Variants in ATAD1 observed in about 807,000 individuals in gnomAD.
ATAD1 encodes outer mitochondrial transmembrane helix translocase.
A neutral mutation model predicts 42.7 loss-of-function variants in ATAD1; 18 were observed. The ratio of observed to expected loss-of-function variants is 0.42; its 90% CI spans 0.29 to 0.63. The LOEUF is 0.63. ATAD1 is among the 20% of genes least tolerant of loss of function. The probability of loss-of-function intolerance (pLI) is 0.19; values close to 1 mark genes in which losing one functional copy is unlikely to be tolerated. For missense variants in ATAD1, 294 were observed against 440.4 expected, an observed-to-expected ratio of 0.67 and a Z score of 2.98; for synonymous variants, 132 against 143.1, an observed-to-expected ratio of 0.92 and a Z score of 0.55.
At chr10:87,802,066 C>A (rs1856722004) in intron 2 of ATAD1, among the ~76,000 whole-genome samples, 1 of 152,142 alleles carries the variant, frequency 6.6e-6, no homozygotes. Flanking sequence ...TTCTCTCTAC[C>A]TGATTTCTCT....
intron 2 of ATAD1, among the ~76,000 whole-genome samples, chr10:87,793,126 A>G (rs1039331846): frequency 6.6e-6 from 1 of 152,190 alleles, no homozygotes; most frequent in Non-Finnish European, 1.5e-5. Context: ...AAGAGGAAAG[A>G]CAGAGGAGTT....
At chr10:87,788,940 G>A (rs1254793375) in intron 4 of ATAD1, among the ~76,000 whole-genome samples, 1 of 152,098 alleles carries the variant, frequency 6.6e-6, no homozygotes, top group African/African-American at 2.4e-5. Flanking sequence ...TATAAGCAGT[G>A]TTGTTATTTC....
intron 8 of ATAD1, among the ~76,000 whole-genome samples, chr10:87,761,150 A>G (rs34878240): frequency 6.6e-6 from 1 of 151,890 alleles, no homozygotes; most frequent in Admixed American, 6.6e-5. Flanking sequence ...CCAAATAAAT[A>G]TATGTGCTAC....
chr10:87,807,179 G>C (rs1856964258), intron 2 of ATAD1, among the ~76,000 whole-genome samples: 1 of 152,096 alleles, frequency 6.6e-6, no homozygotes, highest in Non-Finnish European at 1.5e-5. Flanking sequence ...AGAAGGAAAA[G>C]TGTTTTTCCT....
intron 1 of ATAD1, among the ~76,000 whole-genome samples, chr10:87,831,323 C>T (rs564156476): frequency 4.6e-5 from 7 of 152,060 alleles, no homozygotes; most frequent in South Asian, 2.1e-4. Flanking sequence ...TTCAGTGTTA[C>T]GTCTTCCCTT....
At chr10:87,817,693 GTTA>G (rs1393563170) in intron 1 of ATAD1, 2 of 978,592 alleles carry the variant, frequency 2.0e-6, no homozygotes, top group Non-Finnish European at 2.4e-6. Context: ...AAGAGGGCAG[GTTA>G]TTATTAACAT....
chr10:87,794,507 T>A (rs1457274114), intron 2 of ATAD1, among the ~76,000 whole-genome samples: 1 of 152,228 alleles, frequency 6.6e-6, no homozygotes, highest in Non-Finnish European at 1.5e-5. Context: ...AGACAGTGGT[T>A]TTCCCAGGGG....
intron 2 of ATAD1, among the ~76,000 whole-genome samples, chr10:87,794,057 C>T (rs1856259911): frequency 1.3e-5 from 2 of 152,004 alleles, no homozygotes; most frequent in African/African-American, 4.8e-5. Context: ...GCCATCTCTA[C>T]AAAAAATCAA....
chr10:87,755,614 A>G (rs564234136), intron 9 of ATAD1, among the ~76,000 whole-genome samples: 6 of 152,256 alleles, frequency 3.9e-5, no homozygotes, highest in African/African-American at 1.4e-4. Flanking sequence ...CTTATATATA[A>G]GAATAAAAAC....
intron 7 of ATAD1, 52 bp from the exon 8 acceptor site, chr10:87,767,775 A>C: frequency 6.6e-7 from 1 of 1,512,068 alleles, no homozygotes; most frequent in Non-Finnish European, 9.0e-7. Context: ...TTTTTTTAAA[A>C]AGATCAAGTA....
At chr10:87,826,853 A>G (rs1227540381) in intron 1 of ATAD1, among the ~76,000 whole-genome samples, 1 of 152,236 alleles carries the variant, frequency 6.6e-6, no homozygotes, top group Non-Finnish European at 1.5e-5. Flanking sequence ...ATGACTAATC[A>G]TATTTCTTCA....
intron 2 of ATAD1, among the ~76,000 whole-genome samples, chr10:87,794,304 G>GAT (rs1456352316): frequency 1.3e-5 from 2 of 152,106 alleles, no homozygotes; most frequent in East Asian, 3.8e-4. Context: ...TAAAGTCACT[G>GAT]AATCAATAGA....
In ATAD1 at chr10:87,752,786, G is replaced by C. The variant is rs117483422; in HGVS notation, c.*1901C>G. 3.3e-5 allele frequency: 5 copies of C among 152,232 alleles called. No homozygotes were observed. The highest frequency in any genetic ancestry group is 7.4e-5 in the Non-Finnish European group (5 of 68,014). 9.4% of individuals were successfully genotyped at this position (152,232 alleles called of 1,614,324 possible). On this transcript the variant is annotated 3_prime_UTR_variant, in exon 10 of 10. Coordinates refer to ENST00000680024, the MANE Select transcript of ATAD1 (RefSeq NM_001321967.2). ...AGATGAGTCATAGTTGCTGGGATTA[G>C]TATACTTCTCTAACTTCATTTGATG...
At chr10:87,797,566 CATGGGCAGAGTCTTCTT>C (rs1856457598) in intron 2 of ATAD1, among the ~76,000 whole-genome samples, 1 of 152,184 alleles carries the variant, frequency 6.6e-6, no homozygotes, top group Admixed American at 6.5e-5. Context: ...TTTCAAGAGT[CATGGGCAGAGTCTTCTT>C]AAGTCTAAAC....
At chr10:87,828,685 G>T (rs1857772641) in intron 1 of ATAD1, among the ~76,000 whole-genome samples, 1 of 152,160 alleles carries the variant, frequency 6.6e-6, no homozygotes, top group Admixed American at 6.5e-5. Flanking sequence ...ATGCCATCTG[G>T]GACTTTTATA....
At chr10:87,839,377 G>A (rs1857988387) in intron 1 of ATAD1, among the ~76,000 whole-genome samples, 1 of 152,162 alleles carries the variant, frequency 6.6e-6, no homozygotes, top group South Asian at 2.1e-4. Flanking sequence ...GGAGCCAACA[G>A]TCCATTTCTT....
Position 87,763,302 on chromosome 10 carries a change from T to G in ATAD1, c.831+4371A>C, listed in dbSNP as rs1854584484. 2.0e-5 allele frequency among the ~76,000 whole-genome samples: 3 copies of G among 152,152 alleles called. No homozygotes were observed. In the South Asian group the frequency reaches 6.2e-4, roughly 32 times the overall value. On this transcript the variant is annotated intron_variant, in intron 8 of 9. Transcript: ENST00000680024. Reference sequence around the variant, plus strand: ...CAAAATGATTCATAACCACTGATCCTAATCTTTGTAATTTGCTAGGTTCTT... The same window carrying G: ...CAAAATGATTCATAACCACTGATCCGAATCTTTGTAATTTGCTAGGTTCTT...
At chr10:87,759,250 C>A (rs917183362) in intron 8 of ATAD1, among the ~76,000 whole-genome samples, 2 of 151,952 alleles carry the variant, frequency 1.3e-5, no homozygotes, top group African/African-American at 4.8e-5. Flanking sequence ...TATCTGTTCA[C>A]ATATATTCAC....
In ATAD1 at chr10:87,818,225, G is replaced by A. The variant is rs1199227572; in HGVS notation, c.-72C>T. ...AGCCGGCCTCACACAGGAAGGAAAC[G>A]CAACCTGGGAGAGAACGCTTCCGGC... On this transcript the variant is annotated 5_prime_UTR_variant, in exon 1 of 10. Coordinates refer to ENST00000680024, the MANE Select transcript of ATAD1 (RefSeq NM_001321967.2). The A allele has an allele frequency of 4.1e-6, 4 of 985,544 alleles. No homozygotes were observed. The highest frequency in any genetic ancestry group is 2.4e-6 in the Non-Finnish European group (2 of 830,012). The allele number at this position is 985,544 out of a possible 1,614,324, so 61.0% of individuals were successfully genotyped here. A position where few individuals can be genotyped will look rare whatever the true frequency, so the allele number is the denominator to read the frequency against.
Sources: gnomAD v4.1 joint callset for allele counts (sites outside exome capture counted in the v4.1 genomes callset) on GRCh38, gnomAD v4.1.1 for gene constraint, MANE v1.5 for transcripts, NCBI Gene and HGNC (gene_info 2026-07-23, HGNC 2026-07-21) for gene names.